Variants in RAE1 observed in about 807,000 individuals in gnomAD.
The protein encoded by RAE1 is ribonucleic acid export 1, also known as mRNA export factor RAE1.
RAE1 carries 13 observed loss-of-function variants against 52.7 expected under a neutral mutation model. That is an observed-to-expected ratio of 0.25 (90% CI 0.16 to 0.39). The LOEUF is 0.39. Among genes scored for constraint, RAE1 ranks in the 10% least tolerant of loss-of-function variants. The probability of loss-of-function intolerance (pLI) is 1.00; values close to 1 mark genes in which losing one functional copy is unlikely to be tolerated. For synonymous variants in RAE1, 164 were observed against 153.1 expected (o/e 1.07, Z -0.52); for missense variants, 262 against 459.8 (o/e 0.57, Z 3.93).
rs777403209 is a variant in RAE1, at chr20:57,365,382, G to A, written c.315G>A (p.Ser105=). The A allele has an allele frequency of 1.7e-5, 28 of 1,609,764 alleles. No individual in the cohort carries two copies. The highest frequency in any genetic ancestry group is 1.6e-4 in the East Asian group (7 of 44,682). The change falls in exon 5 of 12, where the codon TCG becomes TCA. Residue 105 remains serine, a synonymous_variant. Transcript: ENST00000395841. ...ATGGGAGCAAAGTGTTTACGGCATC[G>A]TGTGATAAAACTGCCAAAATGTGGG... ...SDDGSKVFTA[S]CDKTAKMWDL...
At position 57,374,811 on chromosome 20, in the gene RAE1, C is replaced by T. The variant is rs758594477; in HGVS notation, c.1020+10C>T. Reference sequence around the variant, plus strand: ...CTACGACTGGTCAAAGGTGAGAACTCCCGGGCCTGCTCTGGGTGCTCCAAG... The same window carrying T: ...CTACGACTGGTCAAAGGTGAGAACTTCCGGGCCTGCTCTGGGTGCTCCAAG... On this transcript the variant is annotated intron_variant, in intron 11 of 11. Transcript: ENST00000395841. The T allele has an allele frequency of 6.2e-7, 1 of 1,614,168 alleles. No homozygotes were observed.
At chr20:57,375,115 C>T (rs1287550696) in intron 11 of RAE1, 1 of 662,010 alleles carries the variant, frequency 1.5e-6, no homozygotes, top group Admixed American at 2.2e-5. Flanking sequence ...CAGGGCGGGT[C>T]ATGGAGCTTT....
chr20:57,351,617 C>T (rs545421710), intron 1 of RAE1, 195 bp downstream of exon 1: 6 of 985,538 alleles, frequency 6.1e-6, no homozygotes, highest in East Asian at 2.3e-4. Flanking sequence ...CCTAATCCAT[C>T]GTTTCTCTTG....
chr20:57,374,630 T>C lies in RAE1; in HGVS notation c.849T>C (p.Pro283=), dbSNP rs149864743. 4.3e-6 allele frequency: 7 copies of C among 1,613,880 alleles called. No individual in the cohort carries two copies. Among genetic ancestry groups the C allele is most frequent in the Non-Finnish European group, 5.1e-6 (6 of 1,179,910 alleles). Reference sequence around the variant, plus strand: ...AGGTAAATGGAATCGCGTTCCATCCTGTTCATGGCACCCTTGCAACTGTGG... The same window carrying C: ...AGGTAAATGGAATCGCGTTCCATCCCGTTCATGGCACCCTTGCAACTGTGG... ...IYAVNGIAFH[P]VHGTLATVGS... The change falls in exon 11 of 12, where the codon CCT becomes CCC. Residue 283 remains proline (P), a synonymous_variant. Coordinates refer to ENST00000395841, the MANE Select transcript of RAE1 (RefSeq NM_003610.4).
At chr20:57,356,040 T>G (rs1197305497) in intron 3 of RAE1, among the ~76,000 whole-genome samples, 1 of 152,218 alleles carries the variant, frequency 6.6e-6, no homozygotes, top group Non-Finnish European at 1.5e-5. Context: ...GGGTGATTTT[T>G]ATTTTTTTGC....
chr20:57,354,842 T>C, intron 3 of RAE1, 26 bp downstream of exon 3: 1 of 1,508,686 alleles, frequency 6.6e-7, no homozygotes, highest in Non-Finnish European at 9.0e-7. Context: ...ATACGTGTTC[T>C]AGAAATCATC....
chr20:57,373,872 G>A (rs1157720967), intron 10 of RAE1, 134 bp downstream of exon 10: 1 of 939,192 alleles, frequency 1.1e-6, no homozygotes. Context: ...AGTGGCTTAT[G>A]CTGTAGGCTT....
chr20:57,374,886 T>C lies in RAE1; in HGVS notation c.1020+85T>C, dbSNP rs750743331. On this transcript the variant is annotated intron_variant, in intron 11 of 11. Transcript: ENST00000395841. ...AGAAGGCCTAGGCCTGAGTTGTGAC[T>C]CTTCTCAGGACTCACGTGTGTCCTT... The C allele has an allele frequency of 2.0e-6, 3 of 1,463,798 alleles. No homozygotes were observed. In the Admixed American group the frequency reaches 5.1e-5, roughly 25 times the overall value. The allele number at this position is 1,463,798 out of a possible 1,614,324, so 90.7% of individuals were successfully genotyped here.
At chr20:57,375,947 C>A (rs578158357) in intron 11 of RAE1, among the ~76,000 whole-genome samples, 1 of 152,242 alleles carries the variant, frequency 6.6e-6, no homozygotes. Flanking sequence ...GCTGGCCCCC[C>A]GCTATCTCAG....
intron 10 of RAE1, 54 bp from the exon 11 acceptor site, chr20:57,374,553 A>G: frequency 6.6e-7 from 1 of 1,515,782 alleles, no homozygotes; most frequent in Non-Finnish European, 9.0e-7. Flanking sequence ...CGTGGGTGGA[A>G]CCTTCTCTGC....
At chr20:57,369,900 T>TC (rs1309036934) in intron 8 of RAE1, among the ~76,000 whole-genome samples, 1 of 152,096 alleles carries the variant, frequency 6.6e-6, no homozygotes, top group African/African-American at 2.4e-5. Flanking sequence ...CCCTGCCTTT[T>TC]CCCCCATGAG....
chr20:57,353,086 A>G (rs973653978), intron 1 of RAE1, among the ~76,000 whole-genome samples: 1 of 152,138 alleles, frequency 6.6e-6, no homozygotes, highest in Non-Finnish European at 1.5e-5. Flanking sequence ...CAAGGATGTC[A>G]CTCAGCCATT....
At chr20:57,358,014 A>G (rs2066819276) in intron 4 of RAE1, 1 of 150,462 alleles carries the variant, frequency 6.6e-6, no homozygotes, top group Non-Finnish European at 1.5e-5. Context: ...TTAGATGCTC[A>G]TCCTGATCAT....
In RAE1 at chr20:57,351,269, C is replaced by G. The variant is rs1480363162; in HGVS notation, c.-161C>G. 2 of 985,312 alleles carry G rather than the reference C, an allele frequency of 2.0e-6. No individual in the cohort carries two copies. The highest frequency in any genetic ancestry group is 1.1e-4 in the East Asian group (1 of 8,822). The allele number at this position is 985,312 out of a possible 1,614,324, so 61.0% of individuals were successfully genotyped here. ...GCACGCGCGTTGTTTCCGCGGTAGT[C>G]AGGGCAGTTTCTACCGCAGGCTTAA... On this transcript the variant is annotated 5_prime_UTR_variant, in exon 1 of 12. Coordinates refer to ENST00000395841, the MANE Select transcript of RAE1 (RefSeq NM_003610.4).
chr20:57,358,911 TTTTTATTTGCA>T (rs1441765607), intron 4 of RAE1: 4 of 1,338,848 alleles, frequency 3.0e-6, no homozygotes, highest in Non-Finnish European at 3.9e-6. Flanking sequence ...CTTGTTGGAG[TTTTTATTTGCA>T]TTGATGAATT....
At chr20:57,354,937 G>A in intron 3 of RAE1, 121 bp downstream of exon 3, 1 of 688,358 alleles carries the variant, frequency 1.5e-6, no homozygotes, top group Non-Finnish European at 2.3e-6. Context: ...CCTTTTTTGA[G>A]AAATCAATTT....
chr20:57,376,095 G>A (rs183155003), intron 11 of RAE1, among the ~76,000 whole-genome samples: 18 of 152,320 alleles, frequency 1.2e-4, no homozygotes, highest in Admixed American at 2.6e-4. Context: ...TCTCAGGAGC[G>A]TGGCTGCACC....
At chr20:57,353,237 A>G (rs1048285253) in intron 1 of RAE1, among the ~76,000 whole-genome samples, 3 of 152,218 alleles carry the variant, frequency 2.0e-5, no homozygotes, top group African/African-American at 4.8e-5. Context: ...TGTACCCACT[A>G]TGAACTAGAT....
chr20:57,360,134 CAGTAAT>C (rs2066870889), intron 4 of RAE1, among the ~76,000 whole-genome samples: 2 of 152,108 alleles, frequency 1.3e-5, no homozygotes, highest in South Asian at 4.1e-4. Context: ...AGAAAATTAT[CAGTAAT>C]AGTGATTTCT....
Sources: gnomAD v4.1 joint callset for allele counts (sites outside exome capture counted in the v4.1 genomes callset) on GRCh38, gnomAD v4.1.1 for gene constraint, MANE v1.5 for transcripts, NCBI Gene and HGNC (gene_info 2026-07-23, HGNC 2026-07-21) for gene names.